OSBPL1A: variants seen among roughly 807,000 people sequenced by gnomAD.
OSBPL1A encodes oxysterol-binding protein-related protein 1.
Under a neutral mutation model 137.1 loss-of-function variants are expected in OSBPL1A, and 80 were observed. The observed-to-expected ratio is 0.58, with a 90% CI of 0.49 to 0.70. The LOEUF (loss-of-function observed/expected upper bound fraction) is 0.70, where lower values mean the gene tolerates loss of function less well. Among genes scored for constraint, OSBPL1A ranks in the 30% least tolerant of loss-of-function variants. The pLI is 0.00. For missense variants in OSBPL1A, 970 were observed against 1,129.4 expected, an observed-to-expected ratio of 0.86 and a Z score of 2.02; for synonymous variants, 365 against 389.7, an observed-to-expected ratio of 0.94 and a Z score of 0.75.
At chr18:24,181,634 G>C (rs1040455697) in intron 18 of OSBPL1A, among the ~76,000 whole-genome samples, 1 of 152,164 alleles carries the variant, frequency 6.6e-6, no homozygotes, top group Non-Finnish European at 1.5e-5. Context: ...TCTTCATAGT[G>C]GTGTTAAAAT....
At chr18:24,169,890 C>T (rs951755220) in intron 24 of OSBPL1A, among the ~76,000 whole-genome samples, 2 of 152,190 alleles carry the variant, frequency 1.3e-5, no homozygotes, top group Non-Finnish European at 2.9e-5. Context: ...CCTTTAACTA[C>T]GACCATCTTA....
At chr18:24,297,789 A>G (rs1292812526) in intron 14 of OSBPL1A, among the ~76,000 whole-genome samples, 1 of 152,208 alleles carries the variant, frequency 6.6e-6, no homozygotes, top group Non-Finnish European at 1.5e-5. Context: ...AAATTTATTG[A>G]GACTTATTTT....
Position 24,280,858 on chromosome 18 carries a change from A to G in OSBPL1A, c.1265T>C (p.Phe422Ser), listed in dbSNP as rs149042266. Residue 422 changes from phenylalanine (F) to serine (S), a missense_variant, in exon 15 of 28, where the codon TTC becomes TCC. Around this residue, in one of 2 missense-constraint regions of OSBPL1A, gnomAD observed 647 missense variants for 672.6 expected, o/e 0.96. Transcript: ENST00000319481. ...ACTACCTACCCCTTCTTGTTTGGTGAAGAGATTAAGGCAATCAGTCAAAGC... is the reference window on the plus strand; with the variant it reads ...ACTACCTACCCCTTCTTGTTTGGTGGAGAGATTAAGGCAATCAGTCAAAGC... ...CVALTDCLNLFTKQEGVRNFK... is the reference protein window; with the variant it reads ...CVALTDCLNLSTKQEGVRNFK... 1.0e-5 allele frequency: 16 copies of G among 1,592,602 alleles called. No homozygotes were observed. In the African/African-American group the frequency reaches 1.9e-4, roughly 19 times the overall value.
intron 15 of OSBPL1A, among the ~76,000 whole-genome samples, chr18:24,267,731 T>G (rs976856521): frequency 6.6e-6 from 1 of 152,088 alleles, no homozygotes; most frequent in Non-Finnish European, 1.5e-5. Context: ...TCAACACCCT[T>G]TAATGATAAA....
chr18:24,314,386 C>A, intron 11 of OSBPL1A, 39 bp from the exon 12 acceptor site: 1 of 1,401,914 alleles, frequency 7.1e-7, no homozygotes, highest in Non-Finnish European at 9.9e-7. Context: ...CATTCATTCA[C>A]ATAAAAGAGG....
intron 21 of OSBPL1A, among the ~76,000 whole-genome samples, chr18:24,175,109 T>TATATATATATATAC (rs2086397518): frequency 3.0e-4 from 4 of 13,434 alleles, no homozygotes; most frequent in Non-Finnish European, 4.5e-4. Flanking sequence ...CATGTGTATG[T>TATATATATATATAC]ATATATATAT....
Position 24,327,357 on chromosome 18 carries a change from C to T in OSBPL1A, c.625+5585G>A, listed in dbSNP as rs145500641. Among the ~76,000 whole-genome samples the T allele has an allele frequency of 5.7e-3, 864 of 152,186 alleles. 4 individuals are homozygous for T. The highest frequency in any genetic ancestry group is 0.015 in the South Asian group (73 of 4,820). On this transcript the variant is annotated intron_variant, in intron 7 of 27. Transcript: ENST00000319481. ...AAGTGATCCACCCGCCATGGCCTGCCAAAGTGCTGGGATTACAGGAGTGAG... is the reference window on the plus strand; with the variant it reads ...AAGTGATCCACCCGCCATGGCCTGCTAAAGTGCTGGGATTACAGGAGTGAG...
chr18:24,348,096 C>T (rs1599697761), intron 4 of OSBPL1A, among the ~76,000 whole-genome samples: 1 of 151,934 alleles, frequency 6.6e-6, no homozygotes, highest in African/African-American at 2.4e-5. Context: ...AATCCAATGC[C>T]CATATGTGTG....
chr18:24,195,001 T>C (rs187001766), intron 18 of OSBPL1A, among the ~76,000 whole-genome samples: 16 of 152,204 alleles, frequency 1.1e-4, no homozygotes, highest in Admixed American at 7.2e-4. Flanking sequence ...AAGAGAGACA[T>C]TGGAAAAATG....
intron 5 of OSBPL1A, 98 bp downstream of exon 5, chr18:24,341,449 A>G: frequency 2.7e-6 from 2 of 750,400 alleles, no homozygotes; most frequent in Non-Finnish European, 4.5e-6. Context: ...TCAGCTGGTT[A>G]TCCTCTGTTT....
At chr18:24,395,869 G>T (rs961266289) in intron 1 of OSBPL1A, among the ~76,000 whole-genome samples, 1 of 150,070 alleles carries the variant, frequency 6.7e-6, no homozygotes, top group Non-Finnish European at 1.5e-5. Flanking sequence ...TGATCCGCCC[G>T]CCTCGGCCTC....
At chr18:24,169,553 G>A (rs928997710) in intron 24 of OSBPL1A, among the ~76,000 whole-genome samples, 2 of 152,218 alleles carry the variant, frequency 1.3e-5, no homozygotes, top group Non-Finnish European at 2.9e-5. Flanking sequence ...TATAGTGCCC[G>A]TGTTACAAAT....
At chr18:24,320,706 T>A (rs1349074545) in intron 7 of OSBPL1A, among the ~76,000 whole-genome samples, 1 of 152,142 alleles carries the variant, frequency 6.6e-6, no homozygotes, top group Non-Finnish European at 1.5e-5. Flanking sequence ...ATCTGACTCA[T>A]GTTTAAAACT....
intron 17 of OSBPL1A, among the ~76,000 whole-genome samples, chr18:24,210,882 T>C (rs1389547377): frequency 2.0e-5 from 3 of 152,230 alleles, no homozygotes; most frequent in Non-Finnish European, 2.9e-5. Context: ...TTATCAAATT[T>C]TTAAAAAGCT....
intron 24 of OSBPL1A, among the ~76,000 whole-genome samples, chr18:24,167,922 T>G (rs12019096): frequency 0.074 from 11,266 of 152,194 alleles, 1,394 homozygotes; most frequent in African/African-American, 0.25. Flanking sequence ...GAACACAGTG[T>G]GGGAAGCCAA....
At chr18:24,272,763 A>G (rs1159642520) in intron 15 of OSBPL1A, among the ~76,000 whole-genome samples, 2 of 152,206 alleles carry the variant, frequency 1.3e-5, no homozygotes, top group South Asian at 4.1e-4. Context: ...TTTAAGTCCC[A>G]TTGAAGTTGG....
rs748060777 is a variant in OSBPL1A, at chr18:24,163,249, C to T, written c.2783G>A (p.Gly928Glu). ...GCCAGAGTAAATCCAGTCCTGTGCT[C>T]CATTGTAGGGATTAGGACCTTGATG... ...WFHQGPNPYN[G>E]AQDWIYSGSY... The change falls in exon 28 of 28, where the codon GGA becomes GAA. Residue 928 changes from glycine to glutamate, a missense_variant. Coordinates refer to ENST00000319481, the MANE Select transcript of OSBPL1A (RefSeq NM_080597.4). 1.9e-6 allele frequency: 3 copies of T among 1,613,134 alleles called. No homozygotes were observed. Among genetic ancestry groups the T allele is most frequent in the South Asian group, 1.1e-5 (1 of 90,854 alleles).
chr18:24,286,588 T>C (rs2090070202), intron 14 of OSBPL1A, among the ~76,000 whole-genome samples: 1 of 152,202 alleles, frequency 6.6e-6, no homozygotes, highest in South Asian at 2.1e-4. Context: ...AATATTAAAA[T>C]TTCAGAGAAG....
chr18:24,368,761 G>A (rs1266624806), intron 2 of OSBPL1A, among the ~76,000 whole-genome samples: 1 of 152,144 alleles, frequency 6.6e-6, no homozygotes, highest in Non-Finnish European at 1.5e-5. Flanking sequence ...TGTATCAGGA[G>A]GGTATGGAGG....
Sources: gnomAD v4.1 joint callset for allele counts (sites outside exome capture counted in the v4.1 genomes callset) on GRCh38, gnomAD v4.1.1 for gene constraint, gnomAD v4.1.1 regional missense constraint, MANE v1.5 for transcripts, NCBI Gene and HGNC (gene_info 2026-07-23, HGNC 2026-07-21) for gene names.